Variants in PHACTR4 observed in about 807,000 individuals in gnomAD.
PHACTR4 encodes the protein protein phosphatase 1, regulatory subunit 124.
PHACTR4 carries 51 observed loss-of-function variants against 72.7 expected under a neutral mutation model. The observed-to-expected ratio is 0.70, with a 90% confidence interval of 0.56 to 0.89. The LOEUF is 0.89. Among genes scored for constraint, PHACTR4 ranks in the 40% least tolerant of loss-of-function variants. The pLI is 0.00. For missense variants in PHACTR4, 731 were observed against 861.8 expected, an observed-to-expected ratio of 0.85 and a Z score of 1.90; for synonymous variants, 255 against 302.5, an observed-to-expected ratio of 0.84 and a Z score of 1.63.
chr1:28,459,360 G>T, intron 3 of PHACTR4, 102 bp downstream of exon 3: 11 of 823,682 alleles, frequency 1.3e-5, no homozygotes, highest in Non-Finnish European at 2.0e-5. Flanking sequence ...TCCTCTATTT[G>T]AAGAGGGTAT....
At chr1:28,441,538 C>G (rs1177872983) in intron 2 of PHACTR4, among the ~76,000 whole-genome samples, 1 of 152,136 alleles carries the variant, frequency 6.6e-6, no homozygotes, top group South Asian at 2.1e-4. Flanking sequence ...ACCAGAGTTT[C>G]TACTGTAGGA....
At chr1:28,481,703 T>C (rs1278251681) in intron 9 of PHACTR4, among the ~76,000 whole-genome samples, 1 of 151,060 alleles carries the variant, frequency 6.6e-6, no homozygotes, top group Non-Finnish European at 1.5e-5. Context: ...GATCGGAGAA[T>C]TGCTTGAACC....
intron 1 of PHACTR4, among the ~76,000 whole-genome samples, chr1:28,382,899 T>G (rs1260450609): frequency 6.6e-6 from 1 of 152,120 alleles, no homozygotes; most frequent in Non-Finnish European, 1.5e-5. Context: ...ATTCAAGTGA[T>G]TCTCCTGACT....
At chr1:28,403,605 A>T (rs564398602) in intron 1 of PHACTR4, among the ~76,000 whole-genome samples, 1 of 152,330 alleles carries the variant, frequency 6.6e-6, no homozygotes, top group African/African-American at 2.4e-5. Context: ...AAAATTTATA[A>T]TTACAGTTTA....
chr1:28,396,939 C>T (rs12142764), intron 1 of PHACTR4, among the ~76,000 whole-genome samples: 57,863 of 150,082 alleles, frequency 0.39, 12,832 homozygotes, highest in African/African-American at 0.6. Context: ...GTGATCTACC[C>T]GCCTCGGCCT....
chr1:28,383,082 C>T (rs1006969305), intron 1 of PHACTR4, among the ~76,000 whole-genome samples: 8 of 152,172 alleles, frequency 5.3e-5, no homozygotes, highest in Non-Finnish European at 7.4e-5. Context: ...CATGAGCCAC[C>T]GCGCCTGGCC....
intron 13 of PHACTR4, 149 bp from the exon 14 acceptor site, chr1:28,496,385 G>C (rs947130230): frequency 6.2e-5 from 50 of 810,304 alleles, no homozygotes; most frequent in Admixed American, 6.3e-5. Flanking sequence ...AAGCAGATGA[G>C]GAGTATCAGA....
At chr1:28,379,141 G>A (rs774504357) in intron 1 of PHACTR4, among the ~76,000 whole-genome samples, 1 of 152,048 alleles carries the variant, frequency 6.6e-6, no homozygotes, top group Non-Finnish European at 1.5e-5. Flanking sequence ...TTTTTGTAGC[G>A]ATGGGATTTC....
chr1:28,485,004 A>G (rs1203673203), intron 9 of PHACTR4, among the ~76,000 whole-genome samples: 3 of 148,260 alleles, frequency 2.0e-5, no homozygotes, highest in African/African-American at 7.9e-5. Flanking sequence ...ACAGTGGAAT[A>G]TTATTTAATC....
intron 1 of PHACTR4, among the ~76,000 whole-genome samples, chr1:28,377,309 G>A (rs943212378): frequency 4.7e-5 from 7 of 148,676 alleles, no homozygotes; most frequent in African/African-American, 1.7e-4. Context: ...CGTGAACTCA[G>A]CACACTGCAA....
chr1:28,377,831 C>CAA (rs113558661), intron 1 of PHACTR4, among the ~76,000 whole-genome samples: 8 of 107,510 alleles, frequency 7.4e-5, no homozygotes, highest in East Asian at 2.7e-4. Flanking sequence ...AAGACCATCT[C>CAA]AAAAAAAAAA....
chr1:28,487,774 C>T (rs1352856257), intron 9 of PHACTR4, among the ~76,000 whole-genome samples: 2 of 108,828 alleles, frequency 1.8e-5, no homozygotes, highest in East Asian at 2.9e-4. Context: ...CTCACTCTGT[C>T]GCCCAAGCAG....
Position 28,423,852 on chromosome 1 carries a change from CTAT to C in PHACTR4, c.16+16397_16+16399del, listed in dbSNP as rs1490081419. ...ATAACACACGTTCAATTCATGTTAG[CTAT>C]TATTATTCAAACAGAATTGGGAGAA... On this transcript the variant is annotated intron_variant, in intron 2 of 13. Coordinates refer to ENST00000373839, the MANE Select transcript of PHACTR4 (RefSeq NM_001048183.3). Among the ~76,000 whole-genome samples, 3 of 152,208 alleles carry C rather than the reference CTAT, an allele frequency of 2.0e-5. No individual in the cohort carries two copies. In the East Asian group the frequency reaches 5.8e-4, roughly 29 times the overall value.
chr1:28,453,403 TGAAAAC>T, intron 2 of PHACTR4: 1 of 248,694 alleles, frequency 4.0e-6, no homozygotes, highest in Admixed American at 5.1e-5. Flanking sequence ...AAGAAAAAGT[TGAAAAC>T]GAAAAAAAGA....
intron 2 of PHACTR4, chr1:28,433,114 G>GA: frequency 1.0e-6 from 1 of 982,924 alleles, no homozygotes; most frequent in Non-Finnish European, 1.2e-6. Context: ...ACTTCCCCTT[G>GA]AGGGACTAAG....
At chr1:28,489,072 C>T (rs1411756242) in intron 9 of PHACTR4, 98 bp from the exon 10 acceptor site, 2 of 771,154 alleles carry the variant, frequency 2.6e-6, no homozygotes, top group South Asian at 1.8e-5. Context: ...TGATTTCTTA[C>T]TTATATAGGG....
intron 2 of PHACTR4, among the ~76,000 whole-genome samples, chr1:28,416,162 G>A (rs1259108406): frequency 6.6e-6 from 1 of 152,160 alleles, no homozygotes; most frequent in African/African-American, 2.4e-5. Flanking sequence ...TCCTCAGGGT[G>A]TAGGAGTTAA....
chr1:28,457,660 T>TA (rs1038880396), intron 2 of PHACTR4, among the ~76,000 whole-genome samples: 9 of 151,980 alleles, frequency 5.9e-5, no homozygotes, highest in Admixed American at 1.3e-4. Flanking sequence ...TAGTGACTAT[T>TA]ATGACCTTTT....
intron 9 of PHACTR4, among the ~76,000 whole-genome samples, chr1:28,488,455 C>T (rs1413613073): frequency 6.6e-6 from 1 of 152,158 alleles, no homozygotes. Flanking sequence ...CGAGATTGCA[C>T]CACTGCACTC....
Sources: allele counts gnomAD v4.1 joint callset (sites outside exome capture counted in the v4.1 genomes callset), GRCh38; gene constraint gnomAD v4.1.1; transcripts MANE v1.5; gene names NCBI Gene and HGNC (gene_info 2026-07-23, HGNC 2026-07-21).